Variants in OTUD5 observed in about 807,000 individuals in gnomAD.
The protein encoded by OTUD5 is OTU domain-containing protein 5.
Under a neutral mutation model 36.3 loss-of-function variants are expected in OTUD5, and 2 were observed. The ratio of observed to expected loss-of-function variants is 0.06; its 90% CI spans 0.02 to 0.17. The LOEUF is 0.17. OTUD5 is among the 10% of genes least tolerant of loss of function. OTUD5 has a pLI of 1.00. For missense variants in OTUD5, 233 were observed against 512.3 expected, an observed-to-expected ratio of 0.45 and a Z score of 5.26; for synonymous variants, 234 against 214.9, an observed-to-expected ratio of 1.09 and a Z score of -0.78.
chrX:48,931,969 T>C (rs1557048932), intron 5 of OTUD5, among the ~76,000 whole-genome samples: 1 of 106,360 alleles, frequency 9.4e-6, no homozygotes, highest in Non-Finnish European at 1.9e-5. Flanking sequence ...TTTGACATGG[T>C]GAAACCCCGT....
rs1392883848 is a variant in OTUD5 at position 48,923,010 on chromosome X, A to G, written c.*164T>C. On this transcript the variant is annotated 3_prime_UTR_variant, in exon 9 of 9. Coordinates refer to ENST00000376488, the MANE Select transcript of OTUD5 (RefSeq NM_001136157.2). ...GTGATAGTGGCAGCGGCAATGAGAG[A>G]GAGTGCAGGGGTGGGCTAGCCAGAG... is the stretch of plus-strand genomic sequence containing the variant. 1.0e-5 allele frequency: 11 copies of G among 1,099,314 alleles called. No homozygotes were observed. Among genetic ancestry groups the G allele is most frequent in the Middle Eastern group, 3.6e-4 (1 of 2,778 alleles). 90.6% of individuals were successfully genotyped at this position (1,099,314 alleles called of 1,213,427 possible).
intron 1 of OTUD5, among the ~76,000 whole-genome samples, chrX:48,949,843 G>A (rs1461493088): frequency 9.1e-6 from 1 of 109,413 alleles, no homozygotes; most frequent in Non-Finnish European, 1.9e-5. Context: ...ACAGAGGCCA[G>A]CACTGTCTGA....
rs1439387278 is a variant in OTUD5, at chrX:48,931,888, C to T, written c.1059+2576G>A. ...GAACTGGGCTGGGCGCGTTGGCTCA[C>T]GCCTGTAATCCCAGCATTTTGGGAG... On this transcript the variant is annotated intron_variant, in intron 5 of 8. Coordinates refer to ENST00000376488, the MANE Select transcript of OTUD5 (RefSeq NM_001136157.2). Among the ~76,000 whole-genome samples, 7 of 108,820 alleles carry T rather than the reference C, an allele frequency of 6.4e-5. No individual in the cohort carries two copies. In the South Asian group the frequency reaches 1.9e-3, roughly 30 times the overall value. 94.5% of individuals were successfully genotyped at this position (108,820 alleles called of 115,157 possible). A position where few individuals can be genotyped will look rare whatever the true frequency, so the allele number is the denominator to read the frequency against.
rs2064272700 is a variant in OTUD5, at chrX:48,957,520, G to A, written c.51C>T (p.Ala17=). 2.4e-6 allele frequency: 2 copies of A among 826,337 alleles called. No individual in the cohort carries two copies. The highest frequency in any genetic ancestry group is 1.5e-4 in the East Asian group (2 of 12,961). 68.1% of individuals were successfully genotyped at this position (826,337 alleles called of 1,213,427 possible). A position where few individuals can be genotyped will look rare whatever the true frequency, so the allele number is the denominator to read the frequency against. The change falls in exon 1 of 9, where the codon GCC becomes GCT. Residue 17 remains alanine, a synonymous_variant. Transcript: ENST00000376488. ...TCGGCCCGGGCGGCGGCGGCTCGTT[G>A]GCGGGGTCGGCGTCGGGAGGCGGCG... ...KKPPPPDADP[A]NEPPPPGPMP... is the part of the protein sequence containing the mutation.
intron 7 of OTUD5, 33 bp downstream of exon 7, chrX:48,923,818 T>G (rs1557046986): frequency 8.3e-7 from 1 of 1,203,611 alleles, no homozygotes; most frequent in South Asian, 1.8e-5. Flanking sequence ...GCCTCCTAAC[T>G]CCCAGCACAT....
chrX:48,949,956 C>G (rs2064104739), intron 1 of OTUD5, among the ~76,000 whole-genome samples: 1 of 110,220 alleles, frequency 9.1e-6, no homozygotes, highest in Non-Finnish European at 1.9e-5. Flanking sequence ...TGAAACCAGC[C>G]TGGCCAACAT....
intron 6 of OTUD5, among the ~76,000 whole-genome samples, chrX:48,925,487 C>A (rs1207981777): frequency 6.3e-5 from 7 of 110,940 alleles, no homozygotes; most frequent in African/African-American, 2.3e-4. Context: ...ATTGAGTTGT[C>A]TCTGCCAACA....
chrX:48,944,671 G>A (rs1211121923), intron 1 of OTUD5, among the ~76,000 whole-genome samples: 1 of 112,020 alleles, frequency 8.9e-6, no homozygotes, highest in Non-Finnish European at 1.9e-5. Flanking sequence ...AGGTGGTGAA[G>A]AGGGGGTAAC....
At position 48,922,140 on chromosome X, in the gene OTUD5, G is replaced by A. The variant is rs1293201963; in HGVS notation, c.*1034C>T. 3 of 112,086 alleles carry A rather than the reference G, an allele frequency of 2.7e-5. No individual in the cohort carries two copies. Among genetic ancestry groups the A allele is most frequent in the African/African-American group, 9.8e-5 (3 of 30,700 alleles). 9.2% of individuals were successfully genotyped at this position (112,086 alleles called of 1,213,427 possible). ...TTCACACCTCTGAGGTCAAGCCAAGGTCCGTGCCATTGCATCCTCTGCCCA... is the reference window on the plus strand; with the variant it reads ...TTCACACCTCTGAGGTCAAGCCAAGATCCGTGCCATTGCATCCTCTGCCCA... On this transcript the variant is annotated 3_prime_UTR_variant, in exon 9 of 9. Coordinates refer to ENST00000376488, the MANE Select transcript of OTUD5 (RefSeq NM_001136157.2).
chrX:48,942,299 T>TACACAC (rs61325018), intron 2 of OTUD5, among the ~76,000 whole-genome samples: 1,718 of 54,982 alleles, frequency 0.031, 89 homozygotes, highest in South Asian at 0.15. Context: ...GCTAGCTAGA[T>TACACAC]ACACACACAC....
In OTUD5 at chrX:48,922,691, G is replaced by A; in HGVS notation, c.*483C>T. 1.3e-6 allele frequency: 1 copy of A among 755,715 alleles called. No individual in the cohort carries two copies. The highest frequency in any genetic ancestry group is 1.6e-6 in the Non-Finnish European group (1 of 639,767). The allele number at this position is 755,715 out of a possible 1,213,427, so 62.3% of individuals were successfully genotyped here. A position where few individuals can be genotyped will look rare whatever the true frequency, so the allele number is the denominator to read the frequency against. On this transcript the variant is annotated 3_prime_UTR_variant, in exon 9 of 9. Transcript: ENST00000376488. ...AAAATTCAACATTGAAGGCTCAGACGTTCTTGGGGGTACTGGGAAGGGAAA... is the reference window on the plus strand; with the variant it reads ...AAAATTCAACATTGAAGGCTCAGACATTCTTGGGGGTACTGGGAAGGGAAA...
intron 1 of OTUD5, among the ~76,000 whole-genome samples, chrX:48,951,012 A>G (rs1486975535): frequency 5.4e-5 from 6 of 110,420 alleles, no homozygotes; most frequent in African/African-American, 1.7e-4. Flanking sequence ...CCGCTCTGCA[A>G]GGTCCACCTG....
intron 5 of OTUD5, among the ~76,000 whole-genome samples, chrX:48,930,419 A>C (rs2063734110): frequency 8.9e-6 from 1 of 112,165 alleles, no homozygotes; most frequent in Non-Finnish European, 1.9e-5. Flanking sequence ...GCTAGAATGA[A>C]GCATGTGATA....
chrX:48,932,535 G>C (rs1312820319), intron 5 of OTUD5, among the ~76,000 whole-genome samples: 1 of 110,236 alleles, frequency 9.1e-6, no homozygotes, highest in East Asian at 2.9e-4. Flanking sequence ...CATCATGTTG[G>C]CCAGGCTGGT....
At chrX:48,954,269 T>C (rs1367018831) in intron 1 of OTUD5, among the ~76,000 whole-genome samples, 2 of 110,937 alleles carry the variant, frequency 1.8e-5, no homozygotes, top group African/African-American at 6.6e-5. Flanking sequence ...CTTACTCTTA[T>C]GTTCTTATGG....
chrX:48,946,917 G>A (rs782427227), intron 1 of OTUD5, among the ~76,000 whole-genome samples: 1 of 112,513 alleles, frequency 8.9e-6, no homozygotes, highest in Non-Finnish European at 1.9e-5. Context: ...AGACTTACCA[G>A]GTAGCTACTA....
chrX:48,928,960 G>A (rs1169597620), intron 5 of OTUD5, among the ~76,000 whole-genome samples: 7 of 111,258 alleles, frequency 6.3e-5, no homozygotes, highest in African/African-American at 1.6e-4. Context: ...TAAGCATATG[G>A]AGTATGAGGA....
At chrX:48,933,909 TAA>T (rs1491455645) in intron 5 of OTUD5, among the ~76,000 whole-genome samples, 3 of 105,332 alleles carry the variant, frequency 2.8e-5, no homozygotes, top group Middle Eastern at 4.3e-3. Context: ...CAAATGACTG[TAA>T]GAGAGAGAGA....
chrX:48,955,031 TAGG>T (rs1215557454), intron 1 of OTUD5, among the ~76,000 whole-genome samples: 4 of 111,709 alleles, frequency 3.6e-5, no homozygotes, highest in Admixed American at 9.4e-5. Context: ...CCTGGTGTGG[TAGG>T]AGGAGAGCCT....
Sources: allele counts gnomAD v4.1 joint callset (sites outside exome capture counted in the v4.1 genomes callset), GRCh38; gene constraint gnomAD v4.1.1; transcripts MANE v1.5; gene names NCBI Gene and HGNC (gene_info 2026-07-23, HGNC 2026-07-21).